CADM2: variants seen among roughly 807,000 people sequenced by gnomAD.
The protein encoded by CADM2 is immunoglobulin superfamily member 4D.
In CADM2, 12 loss-of-function variants were observed where a neutral mutation model predicts 49.8. That is an observed-to-expected ratio of 0.24 (90% CI 0.15 to 0.39). The LOEUF (loss-of-function observed/expected upper bound fraction) is 0.39. CADM2 is among the 10% of genes least tolerant of loss of function. CADM2 has a pLI of 1.00. For synonymous variants in CADM2, 214 were observed against 175.4 expected, an observed-to-expected ratio of 1.22 and a Z score of -1.74; for missense variants, 378 against 492.3, an observed-to-expected ratio of 0.77 and a Z score of 2.20.
intron 1 of CADM2, among the ~76,000 whole-genome samples, chr3:85,036,296 T>C (rs1205715248): frequency 1.3e-5 from 2 of 151,118 alleles, no homozygotes; most frequent in African/African-American, 4.9e-5. Flanking sequence ...GACATACATG[T>C]AAAAAAAAAT....
chr3:85,413,673 C>T (rs2035782483), intron 1 of CADM2, among the ~76,000 whole-genome samples: 1 of 152,136 alleles, frequency 6.6e-6, no homozygotes, highest in East Asian at 1.9e-4. Context: ...AGTACTCACA[C>T]ACTATCACAA....
intron 1 of CADM2, among the ~76,000 whole-genome samples, chr3:85,544,668 C>A (rs1395612061): frequency 6.6e-6 from 1 of 152,040 alleles, no homozygotes; most frequent in East Asian, 1.9e-4. Context: ...AGCAAAACAT[C>A]AAAGAAGATG....
At chr3:85,951,631 T>C (rs1027114255) in intron 7 of CADM2, among the ~76,000 whole-genome samples, 2 of 151,054 alleles carry the variant, frequency 1.3e-5, no homozygotes, top group Non-Finnish European at 3.0e-5. Flanking sequence ...ACATTGTGCA[T>C]ATTTCAACAG....
intron 1 of CADM2, among the ~76,000 whole-genome samples, chr3:85,623,635 T>C (rs1313524316): frequency 6.6e-6 from 1 of 152,198 alleles, no homozygotes; most frequent in Non-Finnish European, 1.5e-5. Context: ...ATTCCTCTTA[T>C]GTCGAGTTTC....
chr3:85,432,914 C>T (rs1233099790), intron 1 of CADM2, among the ~76,000 whole-genome samples: 2 of 151,764 alleles, frequency 1.3e-5, no homozygotes, highest in Non-Finnish European at 2.9e-5. Flanking sequence ...GTTGACACTA[C>T]CTAAGAAAAA....
At chr3:85,612,576 A>G (rs2063706418) in intron 1 of CADM2, among the ~76,000 whole-genome samples, 1 of 151,902 alleles carries the variant, frequency 6.6e-6, no homozygotes, top group African/African-American at 2.4e-5. Flanking sequence ...AAAATATATT[A>G]GTTAAGTATG....
At chr3:85,830,797 TTTTATTTA>T (rs78682464) in intron 3 of CADM2, among the ~76,000 whole-genome samples, 9,293 of 142,088 alleles carry the variant, frequency 0.065, 862 homozygotes, top group African/African-American at 0.2. Flanking sequence ...TCTTTGTGCA[TTTTATTTA>T]TTTATTTATT....
At chr3:85,155,137 A>C (rs1346562495) in intron 1 of CADM2, among the ~76,000 whole-genome samples, 1 of 149,600 alleles carries the variant, frequency 6.7e-6, no homozygotes, top group Non-Finnish European at 1.5e-5. Flanking sequence ...TAAAAGACAC[A>C]GACTGGCAAA....
chr3:85,203,248 C>A (rs528707353), intron 1 of CADM2, among the ~76,000 whole-genome samples: 15 of 152,302 alleles, frequency 9.8e-5, no homozygotes, highest in Middle Eastern at 3.4e-3. Context: ...TTAGCTGAAT[C>A]ATTTCCAGCT....
intron 1 of CADM2, among the ~76,000 whole-genome samples, chr3:85,586,121 T>A (rs2062939441): frequency 2.0e-5 from 3 of 152,034 alleles, no homozygotes; most frequent in Admixed American, 1.3e-4. Context: ...ATTTGTCCGG[T>A]TTTTTACCTA....
intron 1 of CADM2, among the ~76,000 whole-genome samples, chr3:85,049,962 G>C (rs1192283260): frequency 6.6e-6 from 1 of 151,898 alleles, no homozygotes; most frequent in Non-Finnish European, 1.5e-5. Flanking sequence ...GCCATATCTT[G>C]GGCTGGACTC....
intron 1 of CADM2, among the ~76,000 whole-genome samples, chr3:84,969,276 T>C (rs1210044854): frequency 6.6e-6 from 1 of 152,010 alleles, no homozygotes; most frequent in Non-Finnish European, 1.5e-5. Flanking sequence ...ATAATAAATA[T>C]GTTTTGACAA....
chr3:85,293,961 A>C (rs2043877757), intron 1 of CADM2, among the ~76,000 whole-genome samples: 1 of 152,116 alleles, frequency 6.6e-6, no homozygotes, highest in African/African-American at 2.4e-5. Context: ...GGAAAAGGAA[A>C]TGAAGGGTAT....
At chr3:86,013,401 G>A (rs1731801286) in intron 8 of CADM2, 1 of 1,542,198 alleles carries the variant, frequency 6.5e-7, no homozygotes, top group African/African-American at 1.4e-5. Flanking sequence ...TGGACAGGAG[G>A]CCGAAGAAAT....
chr3:85,666,535 G>T (rs1276044701), intron 1 of CADM2, among the ~76,000 whole-genome samples: 1 of 151,852 alleles, frequency 6.6e-6, no homozygotes, highest in African/African-American at 2.4e-5. Flanking sequence ...TATTTTACAT[G>T]ACATAAGAGA....
chr3:85,601,167 T>C (rs1273156822), intron 1 of CADM2, among the ~76,000 whole-genome samples: 4,910 of 76,504 alleles, frequency 0.064, 154 homozygotes, highest in East Asian at 0.12. Context: ...TATATATATA[T>C]ATATATACAC....
At chr3:85,662,425 CT>C (rs1031558037) in intron 1 of CADM2, among the ~76,000 whole-genome samples, 1 of 151,966 alleles carries the variant, frequency 6.6e-6, no homozygotes, top group African/African-American at 2.4e-5. Context: ...CTCCCACTCC[CT>C]TTCCAATATA....
At chr3:85,770,091 A>T (rs181344501) in intron 2 of CADM2, among the ~76,000 whole-genome samples, 7 of 152,202 alleles carry the variant, frequency 4.6e-5, no homozygotes, top group South Asian at 4.1e-4. Flanking sequence ...AGACAACTCT[A>T]CGGGTAACTA....
At chr3:86,059,910 CT>C (rs1738414837) in intron 8 of CADM2, among the ~76,000 whole-genome samples, 1 of 151,950 alleles carries the variant, frequency 6.6e-6, no homozygotes, top group Admixed American at 6.6e-5. Flanking sequence ...AAAAATATTA[CT>C]TTTTTAAAAA....
Sources: allele counts gnomAD v4.1 joint callset (sites outside exome capture counted in the v4.1 genomes callset), GRCh38; gene constraint gnomAD v4.1.1; transcripts MANE v1.5; gene names NCBI Gene and HGNC (gene_info 2026-07-23, HGNC 2026-07-21).